FAT3: variants seen among roughly 807,000 people sequenced by gnomAD.
The protein encoded by FAT3 is FAT atypical cadherin 3, also known as protocadherin Fat 3.
FAT3 carries 95 observed loss-of-function variants against 310.2 expected under a neutral mutation model. The ratio of observed to expected loss-of-function variants is 0.31; its 90% CI spans 0.26 to 0.36. The LOEUF (loss-of-function observed/expected upper bound fraction) is 0.36. Among genes scored for constraint, FAT3 ranks in the 10% least tolerant of loss-of-function variants. FAT3 has a pLI of 1.00. For synonymous variants in FAT3, 2,314 were observed against 2,192.9 expected (o/e 1.06, Z -1.54); for missense variants, 5,408 against 5,715.6 (o/e 0.95, Z 1.74).
At chr11:92,786,405 A>C (rs919199928) in intron 7 of FAT3, among the ~76,000 whole-genome samples, 5 of 152,154 alleles carry the variant, frequency 3.3e-5, no homozygotes, top group African/African-American at 4.8e-5. Context: ...AAAAATAAAG[A>C]ATGAGAGGCC....
chr11:92,783,626 G>A (rs1946814046), intron 7 of FAT3, among the ~76,000 whole-genome samples: 1 of 151,740 alleles, frequency 6.6e-6, no homozygotes, highest in Non-Finnish European at 1.5e-5. Context: ...GGGTAACATA[G>A]CGAGGACTCA....
At chr11:92,633,916 T>C (rs1433711357) in intron 3 of FAT3, among the ~76,000 whole-genome samples, 1 of 152,214 alleles carries the variant, frequency 6.6e-6, no homozygotes, top group East Asian at 1.9e-4. Context: ...GTTGTCTCTA[T>C]GTACTGAGAA....
At chr11:92,861,783 G>A (rs1180406167) in intron 21 of FAT3, among the ~76,000 whole-genome samples, 1 of 152,148 alleles carries the variant, frequency 6.6e-6, no homozygotes, top group African/African-American at 2.4e-5. Context: ...TTGGCTTTAG[G>A]TACAGTATGT....
intron 2 of FAT3, among the ~76,000 whole-genome samples, chr11:92,414,029 G>T (rs373510595): frequency 1.3e-5 from 2 of 152,108 alleles, no homozygotes; most frequent in East Asian, 1.9e-4. Context: ...TGCATTTTGC[G>T]TGTGGAGGTC....
chr11:92,501,974 CGT>C (rs1049527333), intron 2 of FAT3, among the ~76,000 whole-genome samples: 45 of 151,648 alleles, frequency 3.0e-4, no homozygotes, highest in Non-Finnish European at 5.6e-4. Context: ...TGCACGCGCG[CGT>C]GTGTGTGTAT....
chr11:92,636,667 G>A (rs1433228462), intron 3 of FAT3, among the ~76,000 whole-genome samples: 4 of 152,214 alleles, frequency 2.6e-5, no homozygotes, highest in African/African-American at 9.6e-5. Context: ...TTTCTATTGA[G>A]TAGCACAGTT....
intron 3 of FAT3, among the ~76,000 whole-genome samples, chr11:92,655,060 T>G (rs1463340294): frequency 1.3e-5 from 2 of 152,162 alleles, no homozygotes; most frequent in South Asian, 2.1e-4. Flanking sequence ...ATAATTCAGG[T>G]CTCAGTTCAT....
chr11:92,293,551 T>A lies in FAT3; in HGVS notation c.-17-58545T>A, dbSNP rs890816632. ...ATATATATATATATATATATATATA[T>A]AAATAAAATATATTCCTTCCAATTT... is the stretch of plus-strand genomic sequence containing the variant. On this transcript the variant is annotated intron_variant, in intron 1 of 27. Coordinates refer to ENST00000525166, the MANE Select transcript of FAT3 (RefSeq NM_001367949.2). Among the ~76,000 whole-genome samples the A allele has an allele frequency of 7.6e-4, 12 of 15,728 alleles. No homozygotes were observed. The South Asian group carries it at 0.015, about 19-fold the overall frequency. 10.3% of individuals were successfully genotyped at this position (15,728 alleles called of 152,430 possible).
chr11:92,579,448 C>A (rs1417706438), intron 3 of FAT3, among the ~76,000 whole-genome samples: 1 of 152,036 alleles, frequency 6.6e-6, no homozygotes, highest in African/African-American at 2.4e-5. Flanking sequence ...TATGAAATCT[C>A]TTTTTTTCTG....
chr11:92,329,995 G>A (rs930821732), intron 1 of FAT3, among the ~76,000 whole-genome samples: 1 of 151,936 alleles, frequency 6.6e-6, no homozygotes, highest in Non-Finnish European at 1.5e-5. Context: ...AGTTTTTAAA[G>A]TCAAACATTA....
intron 2 of FAT3, among the ~76,000 whole-genome samples, chr11:92,451,275 C>G (rs1178815933): frequency 6.6e-6 from 1 of 152,056 alleles, no homozygotes; most frequent in Non-Finnish European, 1.5e-5. Context: ...TGGAGCTTGT[C>G]CTAAGCATTT....
At chr11:92,708,123 T>A (rs2135941033) in intron 4 of FAT3, among the ~76,000 whole-genome samples, 1 of 152,314 alleles carries the variant, frequency 6.6e-6, no homozygotes, top group African/African-American at 2.4e-5. Flanking sequence ...AACATTGTCA[T>A]GAAAATAAGT....
chr11:92,630,245 T>C (rs1176288782), intron 3 of FAT3, among the ~76,000 whole-genome samples: 1 of 152,198 alleles, frequency 6.6e-6, no homozygotes, highest in Non-Finnish European at 1.5e-5. Flanking sequence ...CACTGTGCTC[T>C]CTTAATCAGC....
intron 13 of FAT3, among the ~76,000 whole-genome samples, chr11:92,826,372 CTGATG>C (rs1218472090): frequency 6.6e-6 from 1 of 152,200 alleles, no homozygotes; most frequent in African/African-American, 2.4e-5. Context: ...ATTTCAAGCA[CTGATG>C]AATACGTATT....
At chr11:92,694,770 T>G (rs1435505180) in intron 3 of FAT3, among the ~76,000 whole-genome samples, 1 of 152,130 alleles carries the variant, frequency 6.6e-6, no homozygotes, top group Non-Finnish European at 1.5e-5. Flanking sequence ...GACTCATTTA[T>G]AGCCTCAATA....
intron 1 of FAT3, among the ~76,000 whole-genome samples, chr11:92,263,264 C>A (rs574208076): frequency 6.6e-6 from 1 of 151,494 alleles, no homozygotes; most frequent in Non-Finnish European, 1.5e-5. Context: ...TGGTTTTCCT[C>A]GGGGTTTTTA....
At chr11:92,574,068 C>T (rs1162055498) in intron 3 of FAT3, among the ~76,000 whole-genome samples, 2 of 152,138 alleles carry the variant, frequency 1.3e-5, no homozygotes, top group African/African-American at 4.8e-5. Flanking sequence ...ATCGAAATAT[C>T]ACAAGGGCCT....
chr11:92,847,475 AT>A (rs1948718359), intron 19 of FAT3, among the ~76,000 whole-genome samples: 3 of 152,196 alleles, frequency 2.0e-5, no homozygotes, highest in African/African-American at 7.2e-5. Flanking sequence ...ATATATCCCC[AT>A]TATTAAGCAA....
chr11:92,610,793 C>T (rs1940526948), intron 3 of FAT3, among the ~76,000 whole-genome samples: 1 of 152,192 alleles, frequency 6.6e-6, no homozygotes, highest in African/African-American at 2.4e-5. Context: ...CCATGTTCAT[C>T]CTGCTCACTT....
Sources: allele counts gnomAD v4.1 joint callset (sites outside exome capture counted in the v4.1 genomes callset), GRCh38; gene constraint gnomAD v4.1.1; transcripts MANE v1.5; gene names NCBI Gene and HGNC (gene_info 2026-07-23, HGNC 2026-07-21).